The following PWWP3B variants were observed in gnomAD, a reference collection of about 807,000 sequenced individuals.
PWWP3B encodes the protein PWWP domain containing 3B.
PWWP3B carries 5 observed loss-of-function variants against 15.7 expected under a neutral mutation model. The observed-to-expected ratio is 0.32, with a 90% CI of 0.17 to 0.67. The LOEUF is 0.67. Ranked by LOEUF, PWWP3B falls within the 30% of genes least tolerant of loss-of-function variation. The pLI is 0.74. For missense variants in PWWP3B, 519 were observed against 493.1 expected, an observed-to-expected ratio of 1.05 and a Z score of -0.50; for synonymous variants, 203 against 179.8, an observed-to-expected ratio of 1.13 and a Z score of -1.03.
At chrX:106,174,204 T>C (rs952266230) in intron 2 of PWWP3B, among the ~76,000 whole-genome samples, 25 of 111,854 alleles carry the variant, frequency 2.2e-4, no homozygotes, top group African/African-American at 8.1e-4. Context: ...CAGGAAGAGA[T>C]GTGTCAAATG....
At chrX:106,168,853 G>C (rs1015769699) in intron 1 of PWWP3B, among the ~76,000 whole-genome samples, 4 of 111,905 alleles carry the variant, frequency 3.6e-5, no homozygotes, top group Non-Finnish European at 7.5e-5. Flanking sequence ...ATGCATAACT[G>C]TGCAAATTCG....
In PWWP3B at chrX:106,207,577, A is replaced by G; in HGVS notation, c.*54A>G. ...GAGCTCTCATAGATACTAGTTGAAA[A>G]AAGTCTCTGAACAATTCTCTCTAAT... On this transcript the variant is annotated 3_prime_UTR_variant, in exon 4 of 4. Transcript: ENST00000357175. 9.4e-7 allele frequency: 1 copy of G among 1,060,707 alleles called. No individual in the cohort carries two copies. The highest frequency in any genetic ancestry group is 1.2e-6 in the Non-Finnish European group (1 of 809,611). 87.4% of individuals were successfully genotyped at this position (1,060,707 alleles called of 1,213,427 possible).
intron 2 of PWWP3B, among the ~76,000 whole-genome samples, chrX:106,199,723 T>G (rs1012001641): frequency 9.0e-6 from 1 of 111,235 alleles, no homozygotes; most frequent in African/African-American, 3.3e-5. Flanking sequence ...AGAAATTCCA[T>G]CACATGACCA....
intron 2 of PWWP3B, among the ~76,000 whole-genome samples, chrX:106,199,834 G>A (rs1923593788): frequency 9.0e-6 from 1 of 111,533 alleles, no homozygotes; most frequent in Non-Finnish European, 1.9e-5. Flanking sequence ...AATGCAAAGA[G>A]TGGATCTTGG....
chrX:106,170,352 A>G (rs1921549357), intron 1 of PWWP3B, among the ~76,000 whole-genome samples: 1 of 112,024 alleles, frequency 8.9e-6, no homozygotes, highest in Non-Finnish European at 1.9e-5. Flanking sequence ...TGGAAATCCA[A>G]AAGATGTAGA....
intron 1 of PWWP3B, among the ~76,000 whole-genome samples, chrX:106,169,885 G>A (rs1197749020): frequency 9.0e-6 from 1 of 111,678 alleles, no homozygotes; most frequent in African/African-American, 3.3e-5. Flanking sequence ...GCATGCATTC[G>A]TACAGTGTAT....
intron 3 of PWWP3B, among the ~76,000 whole-genome samples, chrX:106,204,721 A>G (rs779683060): frequency 1.8e-5 from 2 of 112,190 alleles, no homozygotes; most frequent in African/African-American, 6.5e-5. Flanking sequence ...CTTTTTAAAC[A>G]TGTAGCATTA....
At chrX:106,177,490 A>G (rs1447556677) in intron 2 of PWWP3B, 1 of 112,636 alleles carries the variant, frequency 8.9e-6, no homozygotes, top group African/African-American at 3.2e-5. Flanking sequence ...TTTTGTTTGA[A>G]CTGCTGTTAT....
At chrX:106,178,320 A>G (rs1922008333) in intron 2 of PWWP3B, among the ~76,000 whole-genome samples, 3 of 112,536 alleles carry the variant, frequency 2.7e-5, no homozygotes, top group Admixed American at 9.4e-5. Flanking sequence ...CATCCATACA[A>G]TGGCACGTTA....
At chrX:106,191,416 C>G (rs1414576687) in intron 2 of PWWP3B, among the ~76,000 whole-genome samples, 2 of 111,698 alleles carry the variant, frequency 1.8e-5, no homozygotes, top group Admixed American at 1.9e-4. Flanking sequence ...GCTGAAGTTG[C>G]TTATCAGCTT....
chrX:106,206,968 C>G lies in PWWP3B; in HGVS notation c.1536C>G (p.Asn512Lys). ...AAACAAAACAGGATACTTTCAGGAA[C>G]AAATTTCCAAAGCTGCATAATGAAG... ...RKETKQDTFR[N>K]KFPKLHNEDA... Residue 512 changes from asparagine (N) to lysine (K), a missense_variant, in exon 4 of 4, where the codon AAC becomes AAG. Coordinates refer to ENST00000357175, the MANE Select transcript of PWWP3B (RefSeq NM_001171020.2). 2 of 1,211,013 alleles carry G rather than the reference C, an allele frequency of 1.7e-6. No homozygotes were observed. Among genetic ancestry groups the G allele is most frequent in the Non-Finnish European group, 2.2e-6 (2 of 895,211 alleles).
rs1363377700 is a variant in PWWP3B, at chrX:106,205,640, T to G, written c.208T>G (p.Leu70Val). Residue 70 changes from leucine to valine, a missense_variant, in exon 4 of 4, where the codon TTA becomes GTA. By Grantham distance (32) the Leu-to-Val change is conservative. Coordinates refer to ENST00000357175, the MANE Select transcript of PWWP3B (RefSeq NM_001171020.2). The part of the protein sequence containing the change: ...KSQIEAIAAS[L>V]GLQSEDSAPP... ...TCAAATTGAAGCCATTGCTGCCTCA[T>G]TAGGACTACAGTCAGAGGACAGTGC... The G allele has an allele frequency of 2.5e-6, 3 of 1,208,902 alleles. No individual in the cohort carries two copies. The East Asian group carries it at 8.9e-5, about 36-fold the overall frequency.
intron 2 of PWWP3B, among the ~76,000 whole-genome samples, chrX:106,202,357 T>C (rs1438891817): frequency 8.9e-6 from 1 of 112,193 alleles, no homozygotes; most frequent in Non-Finnish European, 1.9e-5. Flanking sequence ...TTTTAAACTA[T>C]TTCAGCATCT....
intron 2 of PWWP3B, among the ~76,000 whole-genome samples, chrX:106,189,201 TC>T (rs1361792783): frequency 8.9e-6 from 1 of 112,186 alleles, no homozygotes; most frequent in African/African-American, 3.2e-5. Context: ...TATTAGCTAT[TC>T]CTTTTTTTAA....
At chrX:106,200,457 T>G (rs1180375716) in intron 2 of PWWP3B, among the ~76,000 whole-genome samples, 3 of 111,263 alleles carry the variant, frequency 2.7e-5, no homozygotes, top group African/African-American at 9.8e-5. Context: ...GTATTTTTAT[T>G]TTAATATTAA....
intron 2 of PWWP3B, among the ~76,000 whole-genome samples, chrX:106,197,653 T>C (rs919918553): frequency 2.7e-5 from 3 of 112,502 alleles, no homozygotes; most frequent in African/African-American, 9.7e-5. Context: ...GTTCCAGATA[T>C]TCCAAACTGA....
At chrX:106,179,284 G>T (rs1922063294) in intron 2 of PWWP3B, among the ~76,000 whole-genome samples, 1 of 112,046 alleles carries the variant, frequency 8.9e-6, no homozygotes, top group African/African-American at 3.2e-5. Context: ...CTGCCCCATA[G>T]TAGACACAAG....
chrX:106,177,430 GAAAGA>G (rs1921959520), intron 2 of PWWP3B: 1 of 112,689 alleles, frequency 8.9e-6, no homozygotes, highest in African/African-American at 3.2e-5. Flanking sequence ...TAAAAAAAAG[GAAAGA>G]AAAGAAATAG....
Position 106,202,885 on chromosome X carries a change from T to A in PWWP3B, c.-400-1100T>A, listed in dbSNP as rs763133354. On this transcript the variant is annotated intron_variant, in intron 2 of 3. Coordinates refer to ENST00000357175, the MANE Select transcript of PWWP3B (RefSeq NM_001171020.2). ...CTACATACAAATCAGGAAAAACATA[T>A]CTATGAAAGTTTTAACAGGATTACT... 1.2e-3 allele frequency among the ~76,000 whole-genome samples: 137 copies of A among 112,038 alleles called. 1 individual carries two copies. Among genetic ancestry groups the A allele is most frequent in the Middle Eastern group, 4.6e-3 (1 of 217 alleles).
Sources: allele counts gnomAD v4.1 joint callset (sites outside exome capture counted in the v4.1 genomes callset), GRCh38; gene constraint gnomAD v4.1.1; transcripts MANE v1.5; gene names NCBI Gene and HGNC (gene_info 2026-07-23, HGNC 2026-07-21).